PTPRO: variants seen among roughly 807,000 people sequenced by gnomAD.
PTPRO encodes the protein receptor-type tyrosine-protein phosphatase O.
In PTPRO, 62 loss-of-function variants were observed where a neutral mutation model predicts 145.2. The observed-to-expected ratio is 0.43, with a 90% CI of 0.35 to 0.53. The LOEUF (loss-of-function observed/expected upper bound fraction) is 0.53. PTPRO is among the 20% of genes least tolerant of loss of function. The pLI is 0.01. For missense variants in PTPRO, 1,345 were observed against 1,482.7 expected (o/e 0.91, Z 1.53); for synonymous variants, 565 against 514.7 (o/e 1.10, Z -1.32).
intron 1 of PTPRO, among the ~76,000 whole-genome samples, chr12:15,364,439 T>G (rs1938299364): frequency 6.6e-6 from 1 of 152,186 alleles, no homozygotes; most frequent in Non-Finnish European, 1.5e-5. Context: ...TAATTGATTT[T>G]TGTGGTTTCC....
chr12:15,359,945 A>G (rs576823139), intron 1 of PTPRO, among the ~76,000 whole-genome samples: 3 of 152,266 alleles, frequency 2.0e-5, no homozygotes, highest in Admixed American at 6.5e-5. Context: ...AAATTCCCCA[A>G]GCATTTTCCT....
At chr12:15,326,321 G>C (rs1866445764) in intron 1 of PTPRO, among the ~76,000 whole-genome samples, 1 of 152,122 alleles carries the variant, frequency 6.6e-6, no homozygotes, top group African/African-American at 2.4e-5. Context: ...CAACCTTTTG[G>C]AGAAACCTTT....
At chr12:15,400,271 G>T (rs1939455229) in intron 1 of PTPRO, among the ~76,000 whole-genome samples, 1 of 151,810 alleles carries the variant, frequency 6.6e-6, no homozygotes, top group African/African-American at 2.4e-5. Context: ...GATTACAGGT[G>T]TGAGCCACTG....
At chr12:15,539,518 T>C (rs779684699) in intron 12 of PTPRO, among the ~76,000 whole-genome samples, 1 of 151,914 alleles carries the variant, frequency 6.6e-6, no homozygotes, top group Non-Finnish European at 1.5e-5. Context: ...TCCCAGCACT[T>C]TGGGAGGCCG....
At chr12:15,336,778 G>A (rs1296825441) in intron 1 of PTPRO, among the ~76,000 whole-genome samples, 3 of 152,142 alleles carry the variant, frequency 2.0e-5, no homozygotes, top group South Asian at 2.1e-4. Flanking sequence ...GTCAGCCTAC[G>A]CCCAGCCTTG....
At chr12:15,583,919 T>C (rs1944376542) in intron 23 of PTPRO, among the ~76,000 whole-genome samples, 1 of 152,212 alleles carries the variant, frequency 6.6e-6, no homozygotes, top group African/African-American at 2.4e-5. Context: ...CCCGTATGAC[T>C]CTAACAGGCT....
intron 1 of PTPRO, among the ~76,000 whole-genome samples, chr12:15,411,864 G>A (rs933229549): frequency 1.3e-5 from 2 of 152,208 alleles, no homozygotes; most frequent in Admixed American, 6.5e-5. Flanking sequence ...CCCTATCACA[G>A]TGATGGCAAA....
chr12:15,524,822 G>C lies in PTPRO; in HGVS notation c.1900G>C (p.Ala634Pro). ...TCGTTTCTCCCTTGTAGCCCCAGTG[G>C]CTCCGGAAATCACTTCTGTGGAATA... is the stretch of plus-strand genomic sequence containing the variant. ...STISFITAPV[A>P]PEITSVEYFN... Residue 634 changes from alanine (A) to proline (P), a missense_variant, in exon 11 of 27, where the codon GCT becomes CCT. By Grantham distance (27) the Ala-to-Pro change is conservative (BLOSUM62 -1). Around this residue, in one of 3 missense-constraint regions of PTPRO, gnomAD observed 1,130 missense variants for 1,214.7 expected, o/e 0.93. Transcript: ENST00000281171. The C allele has an allele frequency of 1.9e-6, 3 of 1,613,072 alleles. No homozygotes were observed. Among genetic ancestry groups the C allele is most frequent in the Non-Finnish European group, 2.5e-6 (3 of 1,179,126 alleles).
At chr12:15,452,504 A>G (rs141850256) in intron 1 of PTPRO, among the ~76,000 whole-genome samples, 2,318 of 152,330 alleles carry the variant, frequency 0.015, 27 homozygotes, top group Non-Finnish European at 0.026. Flanking sequence ...TGAAGCCAGC[A>G]TCACCCTAAT....
intron 7 of PTPRO, among the ~76,000 whole-genome samples, chr12:15,513,004 AAAGAAAGAAAAGAG>A (rs1455887496): frequency 1.3e-5 from 2 of 151,322 alleles, no homozygotes; most frequent in Non-Finnish European, 2.9e-5. Flanking sequence ...TATGTCTCAA[AAAGAAAGAAAAGAG>A]AAGAAAGAAA....
intron 1 of PTPRO, among the ~76,000 whole-genome samples, chr12:15,417,811 C>G (rs542521555): frequency 4.0e-5 from 6 of 151,846 alleles, no homozygotes; most frequent in African/African-American, 1.2e-4. Flanking sequence ...TCGCCAGGGC[C>G]TTTAATACTA....
chr12:15,517,036 T>G, intron 9 of PTPRO, 80 bp downstream of exon 9: 1 of 1,297,546 alleles, frequency 7.7e-7, no homozygotes, highest in Non-Finnish European at 1.1e-6. Flanking sequence ...CTTTAAGAAA[T>G]TATCTATAAA....
intron 1 of PTPRO, among the ~76,000 whole-genome samples, chr12:15,475,485 A>G (rs757036792): frequency 4.6e-5 from 7 of 152,228 alleles, no homozygotes; most frequent in Non-Finnish European, 1.0e-4. Context: ...CAATATGTAT[A>G]TGATTTCTAT....
intron 1 of PTPRO, among the ~76,000 whole-genome samples, chr12:15,421,551 C>A (rs1430728612): frequency 1.3e-5 from 2 of 152,138 alleles, no homozygotes; most frequent in Admixed American, 1.3e-4. Context: ...TCTCAGAAAC[C>A]TATGCATAGC....
intron 1 of PTPRO, among the ~76,000 whole-genome samples, chr12:15,396,845 C>G (rs1350939497): frequency 6.6e-6 from 1 of 151,966 alleles, no homozygotes; most frequent in African/African-American, 2.4e-5. Context: ...TTTTGCCTTC[C>G]CATGGGAAGT....
intron 10 of PTPRO, among the ~76,000 whole-genome samples, chr12:15,521,571 C>T (rs777250375): frequency 1.3e-5 from 2 of 152,176 alleles, no homozygotes; most frequent in Non-Finnish European, 2.9e-5. Context: ...TCAGATGTAA[C>T]ATCTCAACCT....
chr12:15,445,990 C>G (rs943676901), intron 1 of PTPRO, among the ~76,000 whole-genome samples: 24 of 152,130 alleles, frequency 1.6e-4, no homozygotes, highest in African/African-American at 5.5e-4. Context: ...TGTAAAGCAG[C>G]ATTTGTAGCA....
intron 2 of PTPRO, among the ~76,000 whole-genome samples, chr12:15,491,293 C>G (rs970666414): frequency 3.9e-5 from 6 of 152,178 alleles, no homozygotes; most frequent in African/African-American, 1.4e-4. Flanking sequence ...ACAATTGCTT[C>G]TTTAGTTTGT....
chr12:15,328,499 C>T (rs535907533), intron 1 of PTPRO, among the ~76,000 whole-genome samples: 1 of 151,962 alleles, frequency 6.6e-6, no homozygotes, highest in Admixed American at 6.6e-5. Context: ...TTTTTCTTTC[C>T]TTTTTTTCAG....
Sources: allele counts gnomAD v4.1 joint callset (sites outside exome capture counted in the v4.1 genomes callset), GRCh38; gene constraint gnomAD v4.1.1; regional missense constraint gnomAD v4.1.1; transcripts MANE v1.5; gene names NCBI Gene and HGNC (gene_info 2026-07-23, HGNC 2026-07-21).